SCAMP1: variants seen among roughly 807,000 people sequenced by gnomAD.
The protein encoded by SCAMP1 is secretory carrier membrane protein 1, also known as secretory carrier-associated membrane protein 1.
In SCAMP1, 15 loss-of-function variants were observed where a neutral mutation model predicts 41.8. The observed-to-expected ratio is 0.36, with a 90% CI of 0.24 to 0.55. SCAMP1 has a LOEUF of 0.55. Ranked by LOEUF, SCAMP1 falls within the 20% of genes least tolerant of loss-of-function variation. The pLI is 0.86. For missense variants in SCAMP1, 341 were observed against 412.6 expected (o/e 0.83, Z 1.50); for synonymous variants, 135 against 136.8 (o/e 0.99, Z 0.09).
At chr5:78,389,955 G>A (rs1483353847) in intron 2 of SCAMP1, among the ~76,000 whole-genome samples, 1 of 152,070 alleles carries the variant, frequency 6.6e-6, no homozygotes, top group Non-Finnish European at 1.5e-5. Flanking sequence ...TGAGTTCTGA[G>A]AGCGCTTCTA....
At chr5:78,433,454 A>G (rs1240557197) in intron 6 of SCAMP1, among the ~76,000 whole-genome samples, 1 of 152,102 alleles carries the variant, frequency 6.6e-6, no homozygotes, top group Non-Finnish European at 1.5e-5. Flanking sequence ...CTGTTGTGCT[A>G]GGCTTTTAGT....
At chr5:78,430,915 C>T (rs1752604732) in intron 6 of SCAMP1, among the ~76,000 whole-genome samples, 2 of 151,968 alleles carry the variant, frequency 1.3e-5, no homozygotes, top group African/African-American at 4.8e-5. Context: ...GTTCTCTGCC[C>T]ACTGAGTGTT....
intron 2 of SCAMP1, among the ~76,000 whole-genome samples, chr5:78,415,061 C>T (rs953044892): frequency 4.0e-5 from 6 of 151,468 alleles, no homozygotes; most frequent in Non-Finnish European, 8.8e-5. Flanking sequence ...TCAAGTGATT[C>T]TCCTGCCTCA....
chr5:78,363,505 G>A (rs975677199), intron 1 of SCAMP1, among the ~76,000 whole-genome samples: 4 of 152,172 alleles, frequency 2.6e-5, no homozygotes, highest in African/African-American at 4.8e-5. Flanking sequence ...CACTGGGCCC[G>A]ACCCATTTTT....
At position 78,438,552 on chromosome 5, in the gene SCAMP1, A is replaced by G. The variant is rs559082742; in HGVS notation, c.633-11381A>G. On this transcript the variant is annotated intron_variant, in intron 6 of 8. Coordinates refer to ENST00000621999, the MANE Select transcript of SCAMP1 (RefSeq NM_004866.6). ...AGTGAGATTCTTAATCCTGAGTTCC[A>G]GTTTGATTGCATTGTGGTCTGAGAG... Among the ~76,000 whole-genome samples the G allele has an allele frequency of 1.1e-3, 166 of 152,288 alleles. 1 individual carries two copies. Among genetic ancestry groups the G allele is most frequent in the African/African-American group, 3.9e-3 (160 of 41,558 alleles).
intron 6 of SCAMP1, among the ~76,000 whole-genome samples, chr5:78,435,968 G>A (rs1372973371): frequency 6.6e-6 from 1 of 152,194 alleles, no homozygotes; most frequent in Non-Finnish European, 1.5e-5. Flanking sequence ...GCATTTCTCT[G>A]ATGACCAGTG....
At chr5:78,385,515 A>G (rs866881456) in intron 1 of SCAMP1, among the ~76,000 whole-genome samples, 2 of 151,880 alleles carry the variant, frequency 1.3e-5, no homozygotes, top group Middle Eastern at 3.4e-3. Context: ...TTGTTTCTCT[A>G]GTTCCTTGAG....
chr5:78,432,865 A>G (rs1027980296), intron 6 of SCAMP1, among the ~76,000 whole-genome samples: 1 of 152,078 alleles, frequency 6.6e-6, no homozygotes, highest in African/African-American at 2.4e-5. Flanking sequence ...TTTTTATTAC[A>G]TATGTGTTAG....
intron 1 of SCAMP1, among the ~76,000 whole-genome samples, chr5:78,376,659 A>G (rs950384492): frequency 2.0e-5 from 3 of 152,200 alleles, no homozygotes; most frequent in African/African-American, 7.2e-5. Flanking sequence ...TTATATCTGT[A>G]GGAATGACAT....
intron 3 of SCAMP1, among the ~76,000 whole-genome samples, chr5:78,416,050 T>C (rs538335393): frequency 1.2e-4 from 19 of 152,194 alleles, no homozygotes; most frequent in Non-Finnish European, 2.8e-4. Flanking sequence ...AATTGAGTTA[T>C]AAAGAATTTC....
intron 6 of SCAMP1, among the ~76,000 whole-genome samples, chr5:78,436,735 C>T (rs560272458): frequency 5.8e-4 from 88 of 152,040 alleles, no homozygotes; most frequent in African/African-American, 2.0e-3. Context: ...TGAACTTTAC[C>T]GTAGTTTTTT....
intron 1 of SCAMP1, 53 bp downstream of exon 1, chr5:78,360,781 A>T: frequency 6.5e-7 from 1 of 1,537,400 alleles, no homozygotes; most frequent in Non-Finnish European, 8.9e-7. Context: ...TTGTTTGTGA[A>T]AACGGACGAG....
chr5:78,422,833 A>G (rs1400142415), intron 6 of SCAMP1, among the ~76,000 whole-genome samples: 11 of 152,214 alleles, frequency 7.2e-5, no homozygotes, highest in Non-Finnish European at 1.5e-4. Flanking sequence ...TTATTTGAGT[A>G]AATTCTTGTG....
chr5:78,387,462 G>A (rs913069446), intron 1 of SCAMP1, among the ~76,000 whole-genome samples: 1 of 150,744 alleles, frequency 6.6e-6, no homozygotes, highest in African/African-American at 2.4e-5. Flanking sequence ...TTTTCTGGAA[G>A]TTTAGAGGTT....
chr5:78,479,670 T>C lies in SCAMP1; in HGVS notation c.*4002T>C, dbSNP rs976923500. Among the ~76,000 whole-genome samples the C allele has an allele frequency of 6.6e-6, 1 of 152,190 alleles. No homozygotes were observed. Among genetic ancestry groups the C allele is most frequent in the African/African-American group, 2.4e-5 (1 of 41,454 alleles). ...ATTGTAGGAAAATAGAGAAAGACTG[T>C]TCTCCAGTTTTCTCACCCCCGCTGT... On this transcript the variant is annotated 3_prime_UTR_variant, in exon 9 of 9. Coordinates refer to ENST00000621999, the MANE Select transcript of SCAMP1 (RefSeq NM_004866.6).
chr5:78,455,179 T>C (rs924328381), intron 7 of SCAMP1, among the ~76,000 whole-genome samples: 17 of 150,844 alleles, frequency 1.1e-4, no homozygotes, highest in Non-Finnish European at 1.5e-4. Flanking sequence ...GTGTCTCTAT[T>C]TCCTTCAGTT....
At chr5:78,386,283 C>T (rs1017329307) in intron 1 of SCAMP1, among the ~76,000 whole-genome samples, 5 of 152,000 alleles carry the variant, frequency 3.3e-5, no homozygotes, top group Non-Finnish European at 5.9e-5. Flanking sequence ...CTCTTGCTTG[C>T]TTTTGGTGTC....
chr5:78,444,088 A>G (rs1002989569), intron 6 of SCAMP1, among the ~76,000 whole-genome samples: 3 of 152,146 alleles, frequency 2.0e-5, no homozygotes, highest in Non-Finnish European at 2.9e-5. Flanking sequence ...TTTCAAGCCT[A>G]CTAATAGACT....
chr5:78,385,193 A>G (rs536948574), intron 1 of SCAMP1, among the ~76,000 whole-genome samples: 1 of 152,208 alleles, frequency 6.6e-6, no homozygotes, highest in East Asian at 1.9e-4. Context: ...GTATATTTCC[A>G]GGAATTTATC....
Sources: gnomAD v4.1 joint callset for allele counts (sites outside exome capture counted in the v4.1 genomes callset) on GRCh38, gnomAD v4.1.1 for gene constraint, MANE v1.5 for transcripts, NCBI Gene and HGNC (gene_info 2026-07-23, HGNC 2026-07-21) for gene names.